The following NTNG1 variants were observed in gnomAD, a reference collection of about 807,000 sequenced individuals.
NTNG1 encodes the protein netrin-G1.
NTNG1 carries 16 observed loss-of-function variants against 54.0 expected under a neutral mutation model. That is an observed-to-expected ratio of 0.30 (90% CI 0.20 to 0.45). NTNG1 has a LOEUF of 0.45. NTNG1 is among the 20% of genes least tolerant of loss of function. The pLI, the probability that NTNG1 is intolerant of heterozygous loss-of-function variation, is 1.00. For missense variants in NTNG1, 530 were observed against 678.7 expected (o/e 0.78, Z 2.43); for synonymous variants, 255 against 263.1 (o/e 0.97, Z 0.30).
At chr1:107,448,784 C>T (rs574149889) in intron 7 of NTNG1, among the ~76,000 whole-genome samples, 11 of 152,070 alleles carry the variant, frequency 7.2e-5, no homozygotes, top group Admixed American at 2.0e-4. Context: ...ATGTATTCTA[C>T]GAATCCAAAT....
chr1:107,411,829 A>G (rs1347719401), intron 5 of NTNG1, among the ~76,000 whole-genome samples: 1 of 152,208 alleles, frequency 6.6e-6, no homozygotes, highest in African/African-American at 2.4e-5. Context: ...TCCTCATCAC[A>G]GAACCATTTC....
chr1:107,413,123 CT>C (rs1349465424), intron 5 of NTNG1, among the ~76,000 whole-genome samples: 10 of 148,678 alleles, frequency 6.7e-5, no homozygotes, highest in East Asian at 2.0e-4. Flanking sequence ...CTTTTCTTTT[CT>C]TTTCTTTTCT....
chr1:107,287,360 G>A lies in NTNG1; in HGVS notation c.247-36922G>A, dbSNP rs572003655. Among the ~76,000 whole-genome samples the A allele has an allele frequency of 3.9e-5, 6 of 152,278 alleles. No individual in the cohort carries two copies. In the South Asian group the frequency reaches 1.2e-3, roughly 32 times the overall value. On this transcript the variant is annotated intron_variant, in intron 2 of 7. Transcript: ENST00000370068. ...TTGATTAGGTGTAACACAGAATACC[G>A]GTTACATGGCCCTTGGTTAACTACT...
chr1:107,292,809 G>C (rs1665703000), intron 2 of NTNG1, among the ~76,000 whole-genome samples: 2 of 152,154 alleles, frequency 1.3e-5, no homozygotes, highest in Admixed American at 1.3e-4. Flanking sequence ...GACCCTGCAA[G>C]TATGCCTACA....
chr1:107,426,053 G>A (rs1386966906), intron 5 of NTNG1, among the ~76,000 whole-genome samples: 1 of 151,942 alleles, frequency 6.6e-6, no homozygotes, highest in Non-Finnish European at 1.5e-5. Context: ...TGAGTTATCT[G>A]AGTTCCTTGT....
At chr1:107,406,033 T>G (rs1051580251) in intron 4 of NTNG1, among the ~76,000 whole-genome samples, 8 of 152,130 alleles carry the variant, frequency 5.3e-5, no homozygotes, top group African/African-American at 1.9e-4. Flanking sequence ...TTTCTAGTTT[T>G]GGTTGATCAG....
chr1:107,331,090 A>C (rs774760307), intron 3 of NTNG1, among the ~76,000 whole-genome samples: 17 of 152,084 alleles, frequency 1.1e-4, no homozygotes, highest in Non-Finnish European at 2.4e-4. Flanking sequence ...TTTACAGAGG[A>C]GAAAACTGAG....
intron 6 of NTNG1, among the ~76,000 whole-genome samples, 159 bp downstream of exon 6, chr1:107,431,076 G>C (rs1365827288): frequency 6.6e-6 from 1 of 152,100 alleles, no homozygotes; most frequent in Non-Finnish European, 1.5e-5. Flanking sequence ...GATTTCACTT[G>C]TATTGGTTGA....
intron 7 of NTNG1, among the ~76,000 whole-genome samples, chr1:107,472,731 T>C (rs950365667): frequency 3.3e-5 from 5 of 152,146 alleles, no homozygotes; most frequent in Non-Finnish European, 7.3e-5. Context: ...AGGTTTTTTT[T>C]TGTTTTGTTT....
intron 7 of NTNG1, among the ~76,000 whole-genome samples, chr1:107,479,693 AAGAAT>A (rs1678569063): frequency 6.6e-6 from 1 of 152,216 alleles, no homozygotes; most frequent in African/African-American, 2.4e-5. Flanking sequence ...GATTATCTAA[AAGAAT>A]AGGAGACATG....
Position 107,395,227 on chromosome 1 carries a change from A to G in NTNG1, c.961A>G (p.Thr321Ala). The stretch of plus-strand genomic sequence containing the variant: ...ATTGACATGCGAATGTGAGCACAAC[A>G]CTACAGGTCCAGACTGTGGGAAATG... ...SKLTCECEHN[T>A]TGPDCGKCKK... The change falls in exon 4 of 8, where the codon ACT becomes GCT. Residue 321 changes from threonine (T) to alanine (A), a missense_variant. Physicochemically the swap from Thr to Ala is moderately conservative, Grantham distance 58. Coordinates refer to ENST00000370068, the MANE Select transcript of NTNG1 (RefSeq NM_001113226.3). The G allele has an allele frequency of 1.2e-6, 2 of 1,613,584 alleles. No homozygotes were observed. Among genetic ancestry groups the G allele is most frequent in the Non-Finnish European group, 1.7e-6 (2 of 1,179,628 alleles).
At chr1:107,237,492 G>A (rs1318160078) in intron 2 of NTNG1, among the ~76,000 whole-genome samples, 1 of 152,156 alleles carries the variant, frequency 6.6e-6, no homozygotes, top group East Asian at 1.9e-4. Flanking sequence ...GGATCCAAAT[G>A]TTAATCCCCA....
At chr1:107,187,438 T>A (rs1210978025) in intron 2 of NTNG1, among the ~76,000 whole-genome samples, 1 of 152,168 alleles carries the variant, frequency 6.6e-6, no homozygotes, top group Non-Finnish European at 1.5e-5. Flanking sequence ...AGTTTAACAA[T>A]TGGCTTACAA....
At chr1:107,324,243 C>A in intron 2 of NTNG1, 39 bp from the exon 3 acceptor site, 1 of 1,587,980 alleles carries the variant, frequency 6.3e-7, no homozygotes, top group Admixed American at 1.7e-5. Context: ...TGTGGCAAAC[C>A]AGTGTTTTGA....
chr1:107,221,490 C>A (rs936957701), intron 2 of NTNG1, among the ~76,000 whole-genome samples: 2 of 152,116 alleles, frequency 1.3e-5, no homozygotes, highest in Non-Finnish European at 2.9e-5. Context: ...GACATCTGAG[C>A]CTGACTCAGA....
At chr1:107,201,489 G>A (rs1658751352) in intron 2 of NTNG1, among the ~76,000 whole-genome samples, 1 of 151,712 alleles carries the variant, frequency 6.6e-6, no homozygotes, top group African/African-American at 2.4e-5. Flanking sequence ...TGGGGAGTGG[G>A]TGGTCACTTC....
rs533897928 is a variant in NTNG1, at chr1:107,235,959, C to T, written c.246+87120C>T. Among the ~76,000 whole-genome samples the T allele has an allele frequency of 1.2e-4, 18 of 152,222 alleles. No individual in the cohort carries two copies. The East Asian group carries it at 2.3e-3, about 20-fold the overall frequency. ...CACTCTGCCCCCACACCAACAGAGT[C>T]CCAGTGTAATAACAGTGGATTACAG... is the stretch of plus-strand genomic sequence containing the variant. On this transcript the variant is annotated intron_variant, in intron 2 of 7. Transcript: ENST00000370068.
chr1:107,266,651 C>A (rs978576045), intron 2 of NTNG1, among the ~76,000 whole-genome samples: 3 of 148,798 alleles, frequency 2.0e-5, no homozygotes, highest in African/African-American at 7.5e-5. Flanking sequence ...CCTGGTGTTA[C>A]AACTACATAA....
At position 107,372,949 on chromosome 1, in the gene NTNG1, A is replaced by G. The variant is rs1369431949; in HGVS notation, c.888-22205A>G. Among the ~76,000 whole-genome samples, 3 of 152,318 alleles carry G rather than the reference A, an allele frequency of 2.0e-5. No individual in the cohort carries two copies. In the East Asian group the frequency reaches 5.8e-4, roughly 29 times the overall value. Reference sequence around the variant, plus strand: ...CTGCTTAGTCTGATATTGATATATCATTCCAGCTTCCTTCGGGTTAGTGTT... The same window carrying G: ...CTGCTTAGTCTGATATTGATATATCGTTCCAGCTTCCTTCGGGTTAGTGTT... On this transcript the variant is annotated intron_variant, in intron 3 of 7. Coordinates refer to ENST00000370068, the MANE Select transcript of NTNG1 (RefSeq NM_001113226.3).
Sources: gnomAD v4.1 joint callset for allele counts (sites outside exome capture counted in the v4.1 genomes callset) on GRCh38, gnomAD v4.1.1 for gene constraint, MANE v1.5 for transcripts, NCBI Gene and HGNC (gene_info 2026-07-23, HGNC 2026-07-21) for gene names.